The following COX7B2 variants were observed in gnomAD, a reference collection of about 807,000 sequenced individuals.
COX7B2 encodes cytochrome c oxidase subunit 7B2, mitochondrial.
For synonymous variants in COX7B2, 37 were observed against 32.1 expected, an observed-to-expected ratio of 1.15 and a Z score of -0.51; for missense variants, 109 against 95.9, an observed-to-expected ratio of 1.14 and a Z score of -0.57.
intron 1 of COX7B2, among the ~76,000 whole-genome samples, chr4:46,905,870 C>CGGACTGCG (rs1302378009): frequency 7.3e-6 from 1 of 137,254 alleles, no homozygotes; most frequent in Non-Finnish European, 1.5e-5. Context: ...TCGCCCAGGC[C>CGGACTGCG]GGACTGCGGA....
chr4:46,878,204 A>G (rs6818913), intron 1 of COX7B2, among the ~76,000 whole-genome samples: 78,474 of 151,864 alleles, frequency 0.52, 20,464 homozygotes, highest in East Asian at 0.67. Flanking sequence ...AAAATTGATC[A>G]AAGTCATAGA....
chr4:46,821,710 CATT>C (rs1018846248), intron 2 of COX7B2, among the ~76,000 whole-genome samples: 26 of 152,206 alleles, frequency 1.7e-4, no homozygotes, highest in Admixed American at 1.2e-3. Flanking sequence ...AAATAATCAT[CATT>C]GTCACACATA....
At chr4:46,855,490 A>C (rs1278914789) in intron 1 of COX7B2, among the ~76,000 whole-genome samples, 3 of 152,104 alleles carry the variant, frequency 2.0e-5, no homozygotes, top group Non-Finnish European at 2.9e-5. Flanking sequence ...AAAAGTATAC[A>C]GGGAGAATGA....
At chr4:46,755,239 G>A (rs932860246) in intron 2 of COX7B2, among the ~76,000 whole-genome samples, 3 of 151,832 alleles carry the variant, frequency 2.0e-5, no homozygotes, top group Admixed American at 6.6e-5. Flanking sequence ...ATTCAGCATC[G>A]CTTCATGATA....
intron 2 of COX7B2, among the ~76,000 whole-genome samples, chr4:46,744,860 A>G (rs904730017): frequency 6.7e-6 from 1 of 148,438 alleles, no homozygotes; most frequent in Non-Finnish European, 1.5e-5. Flanking sequence ...CTCCCGCCTC[A>G]GCTGGACTAC....
chr4:46,894,090 A>G (rs1719604312), intron 1 of COX7B2, among the ~76,000 whole-genome samples: 1 of 152,224 alleles, frequency 6.6e-6, no homozygotes, highest in South Asian at 2.1e-4. Context: ...CATACGGCCC[A>G]AAGAAATGTA....
chr4:46,742,107 T>C (rs535047630), intron 2 of COX7B2, among the ~76,000 whole-genome samples: 2 of 152,248 alleles, frequency 1.3e-5, no homozygotes, highest in East Asian at 3.9e-4. Flanking sequence ...CTGAAAGAGT[T>C]ATAGGGACCC....
At chr4:46,901,779 G>T (rs1039948020) in intron 1 of COX7B2, among the ~76,000 whole-genome samples, 5 of 152,182 alleles carry the variant, frequency 3.3e-5, no homozygotes, top group Non-Finnish European at 7.3e-5. Context: ...ATCTTCTCCT[G>T]CCCTCAAACA....
At chr4:46,740,757 G>A (rs1248092988) in intron 2 of COX7B2, among the ~76,000 whole-genome samples, 1 of 151,962 alleles carries the variant, frequency 6.6e-6, no homozygotes, top group East Asian at 1.9e-4. Flanking sequence ...AGATAGAATC[G>A]AGAAATATAA....
chr4:46,814,038 G>C (rs1719423657), intron 2 of COX7B2, among the ~76,000 whole-genome samples: 1 of 152,148 alleles, frequency 6.6e-6, no homozygotes, highest in African/African-American at 2.4e-5. Flanking sequence ...AGTAGCAAAT[G>C]CTGGTGGGGA....
At chr4:46,819,003 A>G (rs1046678436) in intron 2 of COX7B2, among the ~76,000 whole-genome samples, 4 of 152,248 alleles carry the variant, frequency 2.6e-5, no homozygotes, top group African/African-American at 9.6e-5. Context: ...CTATTTTTAA[A>G]TGCATGATTG....
At chr4:46,802,943 T>C (rs553209992) in intron 2 of COX7B2, among the ~76,000 whole-genome samples, 148 of 152,256 alleles carry the variant, frequency 9.7e-4, no homozygotes, top group Non-Finnish European at 1.4e-3. Flanking sequence ...AGCTAATAGG[T>C]ACCTGAAGAA....
chr4:46,746,166 C>CA, intron 2 of COX7B2, among the ~76,000 whole-genome samples: 2 of 151,832 alleles, frequency 1.3e-5, no homozygotes, highest in Non-Finnish European at 2.9e-5. Context: ...TTTATATTGC[C>CA]CTTTAATATT....
intron 2 of COX7B2, among the ~76,000 whole-genome samples, chr4:46,826,610 T>C (rs1305222951): frequency 6.6e-6 from 1 of 152,146 alleles, no homozygotes; most frequent in East Asian, 1.9e-4. Context: ...GGAATCAATC[T>C]ATATGCCCAT....
rs565869630 is a variant in COX7B2 at position 46,737,977 on chromosome 4, AAAAAATGTTTCCT to A, written c.-49-2749_-49-2737del. Among the ~76,000 whole-genome samples, 7 of 152,302 alleles carry A rather than the reference AAAAAATGTTTCCT, an allele frequency of 4.6e-5. No individual in the cohort carries two copies. The South Asian group carries it at 1.4e-3, about 32-fold the overall frequency. ...AATTTCTTCCGAGGTTCAAGATATT[AAAAAATGTTTCCT>A]GTTAGTCATGAATCTTCCCACCCAA... is the stretch of plus-strand genomic sequence containing the variant. On this transcript the variant is annotated intron_variant, in intron 2 of 2. Transcript: ENST00000355591.
At chr4:46,802,473 T>C (rs1420275969) in intron 2 of COX7B2, among the ~76,000 whole-genome samples, 1 of 152,184 alleles carries the variant, frequency 6.6e-6, no homozygotes, top group African/African-American at 2.4e-5. Context: ...TGGAGATATG[T>C]TGATCATAGA....
chr4:46,847,559 C>T (rs1716373845), intron 1 of COX7B2, among the ~76,000 whole-genome samples: 1 of 151,976 alleles, frequency 6.6e-6, no homozygotes, highest in Non-Finnish European at 1.5e-5. Context: ...TTCTGACACA[C>T]AGAAACTATG....
chr4:46,739,954 G>A (rs1470348447), intron 2 of COX7B2, among the ~76,000 whole-genome samples: 1 of 151,880 alleles, frequency 6.6e-6, no homozygotes, highest in African/African-American at 2.4e-5. Flanking sequence ...CACAAACTTT[G>A]CTGTTGAGTT....
At chr4:46,800,098 A>G (rs1382290168) in intron 2 of COX7B2, among the ~76,000 whole-genome samples, 1 of 152,188 alleles carries the variant, frequency 6.6e-6, no homozygotes, top group Admixed American at 6.5e-5. Context: ...AGTGAAAATT[A>G]TAAAATACTG....
Sources: allele counts gnomAD v4.1 joint callset (sites outside exome capture counted in the v4.1 genomes callset), GRCh38; gene constraint gnomAD v4.1.1; transcripts MANE v1.5; gene names NCBI Gene and HGNC (gene_info 2026-07-23, HGNC 2026-07-21).